Variants in MICAL2 observed in about 807,000 individuals in gnomAD.
The protein encoded by MICAL2 is [F-actin]-monooxygenase MICAL2.
In MICAL2, 77 loss-of-function variants were observed where a neutral mutation model predicts 127.3. The ratio of observed to expected loss-of-function variants is 0.60; its 90% CI spans 0.50 to 0.73. The LOEUF (loss-of-function observed/expected upper bound fraction) is 0.73. Ranked by LOEUF, MICAL2 falls within the 30% of genes least tolerant of loss-of-function variation. The pLI, the probability that MICAL2 is intolerant of heterozygous loss-of-function variation, is 0.00. For synonymous variants in MICAL2, 570 were observed against 551.1 expected, an observed-to-expected ratio of 1.03 and a Z score of -0.48; for missense variants, 1,351 against 1,434.4, an observed-to-expected ratio of 0.94 and a Z score of 0.94.
In MICAL2 at chr11:12,262,485, T is replaced by G; in HGVS notation, c.3340T>G (p.Phe1114Val). ...GTLEGSPPVHFSLPVLHPLLG is the reference protein window; with the variant it reads ...GTLEGSPPVHVSLPVLHPLLG ...TCTTACGCCATGGCCATCAGTTCAT[T>G]TCAGCCTTCCAGTGCTACACCCACT... Residue 1114 changes from phenylalanine to valine, a missense_variant, in exon 27 of 28, where the codon TTC (phenylalanine) becomes GTC (valine). By Grantham distance (50) the Phe-to-Val change is conservative. Around this residue, in one of 2 missense-constraint regions of MICAL2, gnomAD observed 752 missense variants for 719.4 expected, o/e 1.05. Transcript: ENST00000683283. The G allele has an allele frequency of 6.2e-7, 1 of 1,614,006 alleles. No homozygotes were observed. The highest frequency in any genetic ancestry group is 8.5e-7 in the Non-Finnish European group (1 of 1,180,012).
intron 26 of MICAL2, chr11:12,261,808 G>T: frequency 1.0e-6 from 1 of 985,646 alleles, no homozygotes; most frequent in Non-Finnish European, 1.2e-6. Flanking sequence ...TTCTCAGTCC[G>T]ATGACTTGCA....
chr11:12,128,052 T>C (rs764974289), intron 1 of MICAL2, among the ~76,000 whole-genome samples: 55 of 152,244 alleles, frequency 3.6e-4, no homozygotes, highest in Admixed American at 2.8e-3. Flanking sequence ...TCTGTCTGCA[T>C]ATACGTATGT....
chr11:12,344,380 T>C (rs1938918179), intron 32 of MICAL2, among the ~76,000 whole-genome samples: 1 of 151,876 alleles, frequency 6.6e-6, no homozygotes, highest in Non-Finnish European at 1.5e-5. Context: ...TGGAGAATTT[T>C]GGAACCAAAA....
intron 22 of MICAL2, chr11:12,250,150 A>T (rs887476847): frequency 6.6e-6 from 1 of 152,108 alleles, no homozygotes; most frequent in African/African-American, 2.4e-5. Flanking sequence ...GGAGGCAGGG[A>T]GCTCGTCCTG....
chr11:12,354,864 A>G (rs1353261244), intron 34 of MICAL2: 1 of 1,613,134 alleles, frequency 6.2e-7, no homozygotes. Context: ...GAGGGTGAGT[A>G]TGCTTGGGCC....
At chr11:12,246,463 AG>A (rs909694124) in intron 21 of MICAL2, among the ~76,000 whole-genome samples, 1 of 152,222 alleles carries the variant, frequency 6.6e-6, no homozygotes, top group South Asian at 2.1e-4. Context: ...ACAGCTGGGC[AG>A]GGGGGCCCTT....
At chr11:12,340,162 A>C (rs893706303) in intron 32 of MICAL2, among the ~76,000 whole-genome samples, 2 of 152,212 alleles carry the variant, frequency 1.3e-5, no homozygotes, top group African/African-American at 4.8e-5. Context: ...AATAACCAAA[A>C]AAGAATCAGC....
chr11:12,130,881 G>A (rs935116998), intron 1 of MICAL2, among the ~76,000 whole-genome samples: 2 of 152,212 alleles, frequency 1.3e-5, no homozygotes, highest in Non-Finnish European at 2.9e-5. Flanking sequence ...CCCTGATACT[G>A]CTGTGGGAAG....
chr11:12,189,492 G>T (rs979610622), intron 3 of MICAL2, among the ~76,000 whole-genome samples: 4 of 152,150 alleles, frequency 2.6e-5, no homozygotes, highest in African/African-American at 9.7e-5. Context: ...GGTAGGATCA[G>T]GTATTACAGG....
rs760289105 is a variant in MICAL2, at chr11:12,204,360, C to A, written c.375C>A (p.Asn125Lys). ...AGAGGGACTCCTTCTCCCGGAACAA[C>A]GTGCTACACCTCTGGCCTTTCACCA... Reference protein sequence around the residue: ...VEKRDSFSRNNVLHLWPFTIH... With the variant: ...VEKRDSFSRNKVLHLWPFTIH... Residue 125 changes from asparagine (N) to lysine (K), a missense_variant, in exon 4 of 28, where the codon AAC becomes AAA. Asn to Lys is a moderately conservative substitution (Grantham distance 94). This residue lies in a region of MICAL2 where 599 missense variants were observed against 714.9 expected (regional missense o/e 0.84). Coordinates refer to ENST00000683283, the MANE Select transcript of MICAL2 (RefSeq NM_001282663.2). 1.2e-6 allele frequency: 2 copies of A among 1,614,168 alleles called. No homozygotes were observed. The highest frequency in any genetic ancestry group is 1.7e-6 in the Non-Finnish European group (2 of 1,180,030).
chr11:12,233,197 C>T (rs957783621), intron 15 of MICAL2, among the ~76,000 whole-genome samples: 7 of 152,194 alleles, frequency 4.6e-5, no homozygotes, highest in Non-Finnish European at 8.8e-5. Context: ...TCATTACTCT[C>T]ACAACAGCTT....
chr11:12,142,734 AG>A (rs1852471595), intron 2 of MICAL2, among the ~76,000 whole-genome samples: 2 of 152,232 alleles, frequency 1.3e-5, no homozygotes, highest in Non-Finnish European at 2.9e-5. Flanking sequence ...GCTCTCTGAG[AG>A]ATAGGCATGG....
chr11:12,284,656 C>T (rs1261005877), intron 2 of MICAL2, among the ~76,000 whole-genome samples: 1 of 152,096 alleles, frequency 6.6e-6, no homozygotes, highest in Non-Finnish European at 1.5e-5. Context: ...GATTAAGAGG[C>T]TAGCTTTGGC....
intron 32 of MICAL2, among the ~76,000 whole-genome samples, chr11:12,328,403 G>A (rs973658441): frequency 6.6e-5 from 10 of 152,138 alleles, no homozygotes; most frequent in African/African-American, 2.4e-4. Context: ...GGGAAGGGGT[G>A]ATCTATAAGA....
At chr11:12,294,690 T>A, downstream of MICAL2, 1 of 1,614,112 alleles carries the variant, frequency 6.2e-7, no homozygotes, top group Non-Finnish European at 8.5e-7. Context: ...AGAAAGGACA[T>A]CAGGGACCTC....
chr11:12,335,444 G>A (rs1019278804), intron 32 of MICAL2, among the ~76,000 whole-genome samples: 1 of 152,040 alleles, frequency 6.6e-6, no homozygotes. Context: ...CTGTGCAGAA[G>A]CTCTTGAGTT....
downstream of MICAL2, among the ~76,000 whole-genome samples, chr11:12,361,657 C>T (rs1212889292): frequency 1.3e-5 from 2 of 152,128 alleles, no homozygotes; most frequent in Non-Finnish European, 2.9e-5. Context: ...TAATTGCAAC[C>T]GAGAAAGGAA....
At position 12,226,378 on chromosome 11, in the gene MICAL2, C is replaced by G. The variant is rs1590464794; in HGVS notation, c.1888+8C>G. On this transcript the variant is annotated splice_region_variant and intron_variant, in intron 14 of 27. Transcript: ENST00000683283. ...CCCCACTGAGGCCCGTGGGTAAGCACCTGCACAGAGGTTTTGCTTAGCCCC... is the reference window on the plus strand; with the variant it reads ...CCCCACTGAGGCCCGTGGGTAAGCAGCTGCACAGAGGTTTTGCTTAGCCCC... 6.2e-7 allele frequency: 1 copy of G among 1,613,618 alleles called. No individual in the cohort carries two copies. The highest frequency in any genetic ancestry group is 2.2e-5 in the East Asian group (1 of 44,872).
At chr11:12,295,124 T>G (rs1863969596), downstream of MICAL2, among the ~76,000 whole-genome samples, 1 of 142,284 alleles carries the variant, frequency 7.0e-6, no homozygotes, top group African/African-American at 2.6e-5. Flanking sequence ...TTTTACTAAG[T>G]TGTACATAAA....
Sources: allele counts gnomAD v4.1 joint callset (sites outside exome capture counted in the v4.1 genomes callset), GRCh38; gene constraint gnomAD v4.1.1; regional missense constraint gnomAD v4.1.1; transcripts MANE v1.5; gene names NCBI Gene and HGNC (gene_info 2026-07-23, HGNC 2026-07-21).